TUSC3: variants seen among roughly 807,000 people sequenced by gnomAD.
The protein encoded by TUSC3 is dolichyl-diphosphooligosaccharide--protein glycosyltransferase subunit TUSC3.
Under a neutral mutation model 44.8 loss-of-function variants are expected in TUSC3, and 45 were observed. That is an observed-to-expected ratio of 1.00 (90% confidence interval 0.79 to 1.29). TUSC3 has a LOEUF of 1.29. TUSC3 is among the 50% of genes most tolerant of loss of function. The pLI is 0.00. For missense variants in TUSC3, 519 were observed against 437.9 expected, an observed-to-expected ratio of 1.19 and a Z score of -1.65; for synonymous variants, 212 against 152.9, an observed-to-expected ratio of 1.39 and a Z score of -2.85.
At chr8:15,794,269 A>C in the TUSC3 span, among the ~76,000 whole-genome samples, 1 of 151,954 alleles carries the variant, frequency 6.6e-6, no homozygotes, top group African/African-American at 2.4e-5. Flanking sequence ...GCTTTTTTTG[A>C]GGATAAGTCT....
chr8:15,816,888 C>T, the TUSC3 span, among the ~76,000 whole-genome samples: 26,476 of 152,144 alleles, frequency 0.17, 2,469 homozygotes, highest in Admixed American at 0.28. Flanking sequence ...AGAACCAGCT[C>T]CCCAATGTTT....
rs530580694 is a variant in TUSC3 at position 15,457,925 on chromosome 8, T to C, written n.92-25461T>C. Among the ~76,000 whole-genome samples, 21 of 150,594 alleles carry C rather than the reference T, an allele frequency of 1.4e-4. 1 individual carries two copies. Among genetic ancestry groups the C allele is most frequent in the African/African-American group, 4.8e-4 (20 of 41,308 alleles). ...TAATTACTAATTGAATAATAATTAGTACTCCAATGATGAATGAATCTTAAT... is the reference window on the plus strand; with the variant it reads ...TAATTACTAATTGAATAATAATTAGCACTCCAATGATGAATGAATCTTAAT... On this transcript the variant is annotated intron_variant and non_coding_transcript_variant, in intron 1 of 5. Transcript: ENST00000503191.
intron 1 of TUSC3, among the ~76,000 whole-genome samples, chr8:15,616,787 C>CT (rs1805003191): frequency 6.6e-6 from 1 of 152,140 alleles, no homozygotes; most frequent in African/African-American, 2.4e-5. Flanking sequence ...GCTGGCATCT[C>CT]TGAGTTTTTG....
intron 1 of TUSC3, among the ~76,000 whole-genome samples, chr8:15,561,404 A>C (rs372034180): frequency 0.061 from 7,551 of 124,540 alleles, 923 homozygotes; most frequent in African/African-American, 0.13. Context: ...CTGCTCTCTT[A>C]AAAGCTGTCA....
intron 1 of TUSC3, among the ~76,000 whole-genome samples, chr8:15,450,675 T>TA (rs531269335): frequency 8.5e-4 from 129 of 152,168 alleles, no homozygotes; most frequent in African/African-American, 3.0e-3. Context: ...GTCTCAAAAA[T>TA]AAATAAGTAA....
intron 1 of TUSC3, among the ~76,000 whole-genome samples, chr8:15,458,363 C>T (rs556648748): frequency 3.3e-5 from 5 of 152,192 alleles, no homozygotes; most frequent in East Asian, 3.9e-4. Context: ...CTCAGTCTCC[C>T]GAATAGCTGC....
chr8:15,765,898 G>C lies in TUSC3; in HGVS notation c.*1742G>C, dbSNP rs1812312763. ...CAAATTTTACAAGTATTAAACATTT[G>C]TTAATTATAATCACTTTTGTTTGTA... On this transcript the variant is annotated 3_prime_UTR_variant, in exon 11 of 11. Coordinates refer to ENST00000503731, the MANE Select transcript of TUSC3 (RefSeq NM_006765.4). The C allele has an allele frequency of 6.6e-6, 1 of 151,938 alleles. No homozygotes were observed. Among genetic ancestry groups the C allele is most frequent in the African/African-American group, 2.4e-5 (1 of 41,396 alleles). The allele number at this position is 151,938 out of a possible 1,614,324, so 9.4% of individuals were successfully genotyped here.
chr8:15,623,280 CTAT>C, intron 2 of TUSC3, 31 bp downstream of exon 2: 2 of 1,542,874 alleles, frequency 1.3e-6, no homozygotes, highest in Non-Finnish European at 1.7e-6. Flanking sequence ...ATATTAAAAA[CTAT>C]TATTCTTGGT....
At chr8:15,778,402 T>C in the TUSC3 span, among the ~76,000 whole-genome samples, 1 of 152,138 alleles carries the variant, frequency 6.6e-6, no homozygotes, top group Admixed American at 6.6e-5. Flanking sequence ...TTAGTTGTTA[T>C]TGACTAATCA....
chr8:15,673,077 G>A (rs1808019445), intron 5 of TUSC3, among the ~76,000 whole-genome samples: 1 of 152,022 alleles, frequency 6.6e-6, no homozygotes, highest in South Asian at 2.1e-4. Flanking sequence ...TGATTGAACT[G>A]TGACTTCTGG....
intron 1 of TUSC3, among the ~76,000 whole-genome samples, chr8:15,582,544 A>T (rs549144416): frequency 6.6e-6 from 1 of 152,238 alleles, no homozygotes; most frequent in Non-Finnish European, 1.5e-5. Context: ...AAGCTCAAAG[A>T]GACTAAACAT....
intron 2 of TUSC3, among the ~76,000 whole-genome samples, chr8:15,650,239 G>T (rs746791687): frequency 6.6e-6 from 1 of 152,098 alleles, no homozygotes; most frequent in Non-Finnish European, 1.5e-5. Context: ...TTGTTTTTCT[G>T]TTAAACTAAG....
intron 1 of TUSC3, among the ~76,000 whole-genome samples, chr8:15,617,132 G>GTGTGTGTGTGTATA (rs375212684): frequency 1.3e-5 from 1 of 77,612 alleles, no homozygotes; most frequent in Non-Finnish European, 2.9e-5. Context: ...GTGTGTGTGT[G>GTGTGTGTGTGTATA]TATATATTTT....
chr8:15,836,535 C>T, the TUSC3 span, among the ~76,000 whole-genome samples: 1 of 151,596 alleles, frequency 6.6e-6, no homozygotes, highest in Non-Finnish European at 1.5e-5. Flanking sequence ...ATACATGGTT[C>T]TCTGTCTTAC....
chr8:15,777,738 A>G, the TUSC3 span, among the ~76,000 whole-genome samples: 21 of 152,340 alleles, frequency 1.4e-4, no homozygotes, highest in Non-Finnish European at 2.2e-4. Context: ...TTGTTGGACT[A>G]TAATGGCAAT....
At chr8:15,428,160 C>T (rs1180592132) in intron 1 of TUSC3, among the ~76,000 whole-genome samples, 1 of 141,040 alleles carries the variant, frequency 7.1e-6, no homozygotes, top group Non-Finnish European at 1.5e-5. Flanking sequence ...TGATCGTCCC[C>T]TTCCTGTGTC....
chr8:15,720,802 A>G (rs1023202767), intron 6 of TUSC3, among the ~76,000 whole-genome samples: 9 of 152,134 alleles, frequency 5.9e-5, no homozygotes, highest in Admixed American at 1.3e-4. Context: ...GATTTTGCTT[A>G]TATTGCGATT....
intron 5 of TUSC3, among the ~76,000 whole-genome samples, chr8:15,665,540 T>C (rs1807618511): frequency 1.3e-5 from 2 of 151,190 alleles, no homozygotes; most frequent in Middle Eastern, 3.4e-3. Context: ...AAGTGTATGC[T>C]GAGGGAGTGG....
At chr8:15,645,855 G>C (rs910485000) in intron 2 of TUSC3, among the ~76,000 whole-genome samples, 1 of 152,076 alleles carries the variant, frequency 6.6e-6, no homozygotes, top group Admixed American at 6.5e-5. Context: ...TGCCTTAAAA[G>C]AGACATTATC....
Sources: gnomAD v4.1 joint callset for allele counts (sites outside exome capture counted in the v4.1 genomes callset) on GRCh38, gnomAD v4.1.1 for gene constraint, MANE v1.5 for transcripts, NCBI Gene and HGNC (gene_info 2026-07-23, HGNC 2026-07-21) for gene names.